PCDHA4: variants seen among roughly 807,000 people sequenced by gnomAD.
The protein encoded by PCDHA4 is protocadherin alpha 4, also known as protocadherin alpha-4.
A neutral mutation model predicts 61.4 loss-of-function variants in PCDHA4; 49 were observed. That is an observed-to-expected ratio of 0.80 (90% CI 0.63 to 1.01). PCDHA4 has a LOEUF of 1.01. Ranked by LOEUF, PCDHA4 falls within the 50% of genes least tolerant of loss-of-function variation. The probability of loss-of-function intolerance (pLI) is 0.00; values close to 1 mark genes in which losing one functional copy is unlikely to be tolerated. For missense variants in PCDHA4, 1,254 were observed against 1,235.8 expected, an observed-to-expected ratio of 1.01 and a Z score of -0.22; for synonymous variants, 590 against 550.3, an observed-to-expected ratio of 1.07 and a Z score of -1.01.
chr5:140,842,235 G>A (rs201880118), intron 1 of PCDHA4: 39 of 1,612,410 alleles, frequency 2.4e-5, no homozygotes, highest in Non-Finnish European at 3.0e-5. Flanking sequence ...ATAGTGATTC[G>A]GGGTAATTTG....
intron 1 of PCDHA4, chr5:140,862,777 C>A: frequency 1.7e-6 from 1 of 577,324 alleles, no homozygotes. Context: ...CGCGTTGCAG[C>A]CACTGGACTA....
At chr5:140,835,560 G>T (rs2150238266) in intron 1 of PCDHA4, 1 of 1,613,902 alleles carries the variant, frequency 6.2e-7, no homozygotes, top group South Asian at 1.1e-5. Flanking sequence ...GACGCCCCGC[G>T]TTCCCTTCAA....
intron 1 of PCDHA4, among the ~76,000 whole-genome samples, chr5:140,903,182 G>A (rs1030121963): frequency 1.3e-5 from 2 of 152,164 alleles, no homozygotes; most frequent in Non-Finnish European, 2.9e-5. Flanking sequence ...CCCACCAATA[G>A]TATAAAAGAG....
chr5:140,842,034 A>G, intron 1 of PCDHA4: 1 of 1,613,854 alleles, frequency 6.2e-7, no homozygotes, highest in Non-Finnish European at 8.5e-7. Context: ...GTGAATGATA[A>G]TGCTCCCACT....
At chr5:140,824,200 T>G (rs2150133192) in intron 1 of PCDHA4, 1 of 1,596,192 alleles carries the variant, frequency 6.3e-7, no homozygotes, top group Non-Finnish European at 8.6e-7. Flanking sequence ...TCACCCACTT[T>G]TTTTGTATTT....
At chr5:140,882,339 G>A (rs1554173610) in intron 1 of PCDHA4, 1 of 1,614,162 alleles carries the variant, frequency 6.2e-7, no homozygotes, top group Admixed American at 1.7e-5. Flanking sequence ...CTCGCAGCCT[G>A]GGAGACGGGT....
At chr5:140,828,278 C>A (rs1158544001) in intron 1 of PCDHA4, 4 of 1,613,994 alleles carry the variant, frequency 2.5e-6, no homozygotes, top group Non-Finnish European at 3.4e-6. Flanking sequence ...GGTGCCGCGC[C>A]TGTTCAGGAT....
At chr5:141,006,403 C>T (rs2098271999) in intron 3 of PCDHA4, among the ~76,000 whole-genome samples, 1 of 151,934 alleles carries the variant, frequency 6.6e-6, no homozygotes, top group Non-Finnish European at 1.5e-5. Context: ...TTAGTAGAGA[C>T]GCGGTTTCAC....
At chr5:140,843,615 C>T (rs111750019) in intron 1 of PCDHA4, 2 of 1,595,902 alleles carry the variant, frequency 1.3e-6, no homozygotes, top group Non-Finnish European at 1.7e-6. Flanking sequence ...GAGGGGCCAC[C>T]GAAGACGGAC....
chr5:140,857,076 A>C (rs782010117), intron 1 of PCDHA4: 1 of 1,596,990 alleles, frequency 6.3e-7, no homozygotes, highest in Admixed American at 1.7e-5. Flanking sequence ...CTGGATGAAA[A>C]TGATAATTCA....
intron 1 of PCDHA4, among the ~76,000 whole-genome samples, chr5:140,935,456 C>G (rs981681011): frequency 6.6e-6 from 1 of 152,150 alleles, no homozygotes; most frequent in Non-Finnish European, 1.5e-5. Flanking sequence ...GATACTGTAG[C>G]AGTTTAAGTT....
At chr5:140,990,084 C>T (rs31873) in intron 3 of PCDHA4, among the ~76,000 whole-genome samples, 3,615 of 152,028 alleles carry the variant, frequency 0.024, 147 homozygotes, top group African/African-American at 0.081. Flanking sequence ...ACAAAGGATG[C>T]TTGTGCTACT....
intron 3 of PCDHA4, among the ~76,000 whole-genome samples, chr5:140,985,909 T>C (rs1421545707): frequency 6.6e-6 from 1 of 151,912 alleles, no homozygotes; most frequent in Non-Finnish European, 1.5e-5. Flanking sequence ...CCGTCTAATT[T>C]TTTGTATTTT....
chr5:140,927,077 G>A (rs568623488), intron 1 of PCDHA4: 1 of 1,610,844 alleles, frequency 6.2e-7, no homozygotes, highest in Non-Finnish European at 8.5e-7. Context: ...TCCAGCCACC[G>A]CGAGCTCTAC....
At chr5:140,826,767 G>A (rs2150145358) in intron 1 of PCDHA4, among the ~76,000 whole-genome samples, 1 of 152,140 alleles carries the variant, frequency 6.6e-6, no homozygotes, top group Non-Finnish European at 1.5e-5. Flanking sequence ...ATATTGGAGA[G>A]TAATTGAAAA....
chr5:140,888,819 G>A (rs2061994549), intron 1 of PCDHA4, among the ~76,000 whole-genome samples: 1 of 151,908 alleles, frequency 6.6e-6, no homozygotes, highest in African/African-American at 2.4e-5. Context: ...TGTGATCTGT[G>A]ATCACATCAC....
In PCDHA4 at chr5:140,850,310, G is replaced by A. The variant is rs2150478968; in HGVS notation, c.2385+40738G>A. The stretch of plus-strand genomic sequence containing the variant: ...TGGACGCCGACTCGGGCTACAACGC[G>A]TGGCTTTCATACGAGCTGCAGCCAG... On this transcript the variant is annotated intron_variant, in intron 1 of 3. Transcript: ENST00000530339. The A allele has an allele frequency of 1.0e-5, 16 of 1,597,212 alleles. 1 individual carries two copies. Among genetic ancestry groups the A allele is most frequent in the Non-Finnish European group, 1.4e-5 (16 of 1,167,678 alleles).
At chr5:140,860,679 T>A (rs1465789150) in intron 1 of PCDHA4, 1 of 152,238 alleles carries the variant, frequency 6.6e-6, no homozygotes, top group Non-Finnish European at 1.5e-5. Flanking sequence ...AATGCACTTA[T>A]GTTTTGAGCG....
intron 1 of PCDHA4, chr5:140,968,459 G>A (rs1554230743): frequency 6.2e-7 from 1 of 1,614,094 alleles, no homozygotes; most frequent in African/African-American, 1.3e-5. Flanking sequence ...CACTGTGACT[G>A]CCAACGTATA....
Sources: gnomAD v4.1 joint callset for allele counts (sites outside exome capture counted in the v4.1 genomes callset) on GRCh38, gnomAD v4.1.1 for gene constraint, MANE v1.5 for transcripts, NCBI Gene and HGNC (gene_info 2026-07-23, HGNC 2026-07-21) for gene names.